DCC: variants seen among roughly 807,000 people sequenced by gnomAD.
DCC encodes netrin receptor DCC.
In DCC, 58 loss-of-function variants were observed where a neutral mutation model predicts 172.5. That is an observed-to-expected ratio of 0.34 (90% CI 0.27 to 0.42). The LOEUF (loss-of-function observed/expected upper bound fraction) is 0.42, where lower values mean the gene tolerates loss of function less well. DCC is among the 10% of genes least tolerant of loss of function. DCC has a pLI of 1.00. For missense variants in DCC, 1,740 were observed against 1,791.0 expected (o/e 0.97, Z 0.51); for synonymous variants, 709 against 644.5 (o/e 1.10, Z -1.52).
intron 2 of DCC, among the ~76,000 whole-genome samples, chr18:52,811,639 AAC>A (rs1259950111): frequency 6.6e-6 from 1 of 152,204 alleles, no homozygotes; most frequent in African/African-American, 2.4e-5. Context: ...TAGTACTACA[AAC>A]ACAGTCATAA....
intron 12 of DCC, among the ~76,000 whole-genome samples, chr18:53,264,187 A>G (rs2056639795): frequency 6.6e-6 from 1 of 152,128 alleles, no homozygotes; most frequent in African/African-American, 2.4e-5. Context: ...TTTGGGAAGC[A>G]GTATTTAAAA....
chr18:53,278,485 A>T (rs1476854062), intron 12 of DCC, among the ~76,000 whole-genome samples: 1 of 152,080 alleles, frequency 6.6e-6, no homozygotes, highest in Non-Finnish European at 1.5e-5. Context: ...TTGACACAGG[A>T]TTACTATTGT....
intron 1 of DCC, among the ~76,000 whole-genome samples, chr18:52,349,999 A>T (rs1234760768): frequency 6.6e-6 from 1 of 152,172 alleles, no homozygotes; most frequent in African/African-American, 2.4e-5. Context: ...ACAGCCATAG[A>T]CAAACATATG....
chr18:52,409,719 T>A, intron 1 of DCC, among the ~76,000 whole-genome samples: 1 of 152,300 alleles, frequency 6.6e-6, no homozygotes, highest in East Asian at 1.9e-4. Flanking sequence ...AGGGGTGATA[T>A]GAAGTTGCAG....
At chr18:53,291,866 C>T (rs1447054316) in intron 12 of DCC, among the ~76,000 whole-genome samples, 1 of 152,118 alleles carries the variant, frequency 6.6e-6, no homozygotes, top group Non-Finnish European at 1.5e-5. Context: ...CTCACTTTAT[C>T]ATAAACTCTA....
At chr18:52,514,318 T>A (rs2031548100) in intron 1 of DCC, among the ~76,000 whole-genome samples, 1 of 152,038 alleles carries the variant, frequency 6.6e-6, no homozygotes, top group East Asian at 1.9e-4. Context: ...TTAGACATGG[T>A]TTTTTTTATT....
chr18:52,379,975 A>C (rs531852744), intron 1 of DCC, among the ~76,000 whole-genome samples: 4 of 152,284 alleles, frequency 2.6e-5, no homozygotes, highest in Admixed American at 2.6e-4. Flanking sequence ...TTCAAGAGCA[A>C]GGTACTGGTA....
At chr18:52,765,437 T>C (rs2037232098) in intron 2 of DCC, among the ~76,000 whole-genome samples, 1 of 152,172 alleles carries the variant, frequency 6.6e-6, no homozygotes, top group Admixed American at 6.5e-5. Flanking sequence ...CTTTGCACCC[T>C]TTATTCTATA....
chr18:52,438,666 T>C (rs1423640790), intron 1 of DCC, among the ~76,000 whole-genome samples: 2 of 152,214 alleles, frequency 1.3e-5, no homozygotes, highest in African/African-American at 4.8e-5. Context: ...AAATACTTTT[T>C]TCACATCTAA....
chr18:53,444,431 G>A (rs766448209), intron 22 of DCC, among the ~76,000 whole-genome samples: 1 of 152,096 alleles, frequency 6.6e-6, no homozygotes, highest in African/African-American at 2.4e-5. Flanking sequence ...CCCAGGATGC[G>A]GAGATTGCAA....
chr18:52,466,917 C>T (rs1042862532), intron 1 of DCC, among the ~76,000 whole-genome samples: 4 of 152,026 alleles, frequency 2.6e-5, no homozygotes, highest in African/African-American at 9.7e-5. Flanking sequence ...AAATCATAAC[C>T]AACTTGCCCA....
chr18:52,868,762 C>A (rs973660424), intron 2 of DCC, among the ~76,000 whole-genome samples: 1 of 152,198 alleles, frequency 6.6e-6, no homozygotes, highest in Non-Finnish European at 1.5e-5. Context: ...CTGGCCTGAA[C>A]CCCCTGCCTC....
chr18:53,223,241 T>C (rs1396022893), intron 12 of DCC, among the ~76,000 whole-genome samples: 1 of 152,162 alleles, frequency 6.6e-6, no homozygotes, highest in Non-Finnish European at 1.5e-5. Flanking sequence ...CTGTTGTGTT[T>C]TGAGAATGTT....
chr18:52,961,143 C>T (rs749765816), intron 5 of DCC, among the ~76,000 whole-genome samples: 16 of 151,976 alleles, frequency 1.1e-4, no homozygotes, highest in East Asian at 1.9e-4. Context: ...GCCTGTTGTG[C>T]GGTGGGGAGA....
chr18:52,816,092 G>A (rs537646100), intron 2 of DCC, among the ~76,000 whole-genome samples: 4 of 152,296 alleles, frequency 2.6e-5, no homozygotes, highest in Admixed American at 2.0e-4. Context: ...AAACTTCTGT[G>A]CTAGGGAGAT....
At chr18:53,017,504 A>C (rs944793049) in intron 5 of DCC, among the ~76,000 whole-genome samples, 1 of 152,158 alleles carries the variant, frequency 6.6e-6, no homozygotes, top group Non-Finnish European at 1.5e-5. Context: ...CAGTTTTAGA[A>C]GTTTGTTAAT....
rs1466906810 is a variant in DCC at position 53,534,130 on chromosome 18, G to T, written c.*3477G>T. On this transcript the variant is annotated 3_prime_UTR_variant, in exon 29 of 29. Transcript: ENST00000442544. ...TATGGTTGTCCCCAAATGTAATATGGTATCTCAGATATAGCAGCTGGACTG... is the reference window on the plus strand; with the variant it reads ...TATGGTTGTCCCCAAATGTAATATGTTATCTCAGATATAGCAGCTGGACTG... 1 of 152,074 alleles carries T rather than the reference G, an allele frequency of 6.6e-6. No individual in the cohort carries two copies. Among genetic ancestry groups the T allele is most frequent in the Admixed American group, 6.6e-5 (1 of 15,264 alleles). 9.4% of individuals were successfully genotyped at this position (152,074 alleles called of 1,614,324 possible).
intron 1 of DCC, among the ~76,000 whole-genome samples, chr18:52,703,500 TTA>T (rs1491383861): frequency 1.4e-4 from 19 of 139,774 alleles, no homozygotes; most frequent in Middle Eastern, 3.7e-3. Context: ...AATGGCCCTA[TTA>T]TTTTTTTAGC....
chr18:53,351,667 T>C (rs2057815194), intron 15 of DCC, among the ~76,000 whole-genome samples: 1 of 150,966 alleles, frequency 6.6e-6, no homozygotes, highest in African/African-American at 2.4e-5. Context: ...GGTCATTCAT[T>C]CTACCAACAT....
Sources: gnomAD v4.1 joint callset for allele counts (sites outside exome capture counted in the v4.1 genomes callset) on GRCh38, gnomAD v4.1.1 for gene constraint, MANE v1.5 for transcripts, NCBI Gene and HGNC (gene_info 2026-07-23, HGNC 2026-07-21) for gene names.